KDM4C: variants seen among roughly 807,000 people sequenced by gnomAD.
KDM4C encodes the protein lysine-specific demethylase 4C.
In KDM4C, 81 loss-of-function variants were observed where a neutral mutation model predicts 129.3. The observed-to-expected ratio is 0.63, with a 90% confidence interval of 0.52 to 0.75. The LOEUF (loss-of-function observed/expected upper bound fraction) is 0.75. Ranked by LOEUF, KDM4C falls within the 30% of genes least tolerant of loss-of-function variation. The pLI, the probability that KDM4C is intolerant of heterozygous loss-of-function variation, is 0.00. For synonymous variants in KDM4C, 573 were observed against 456.1 expected (o/e 1.26, Z -3.26); for missense variants, 1,457 against 1,304.0 (o/e 1.12, Z -1.81).
At chr9:6,950,608 T>A (rs1286432414) in intron 8 of KDM4C, among the ~76,000 whole-genome samples, 1 of 152,228 alleles carries the variant, frequency 6.6e-6, no homozygotes. Flanking sequence ...AGTGAGATTA[T>A]CTCTGTATTC....
At chr9:6,914,553 C>T (rs1281277344) in intron 8 of KDM4C, among the ~76,000 whole-genome samples, 1 of 152,128 alleles carries the variant, frequency 6.6e-6, no homozygotes, top group Non-Finnish European at 1.5e-5. Flanking sequence ...AAAACATTAG[C>T]ATTGTTTGTA....
chr9:6,884,953 TC>T (rs961818962), intron 6 of KDM4C, among the ~76,000 whole-genome samples: 2 of 152,226 alleles, frequency 1.3e-5, no homozygotes, highest in Non-Finnish European at 2.9e-5. Flanking sequence ...TTTAGACACA[TC>T]CACTCTATTT....
intron 1 of KDM4C, among the ~76,000 whole-genome samples, chr9:6,746,728 G>A (rs1817888007): frequency 6.6e-6 from 1 of 150,812 alleles, no homozygotes; most frequent in Admixed American, 6.6e-5. Flanking sequence ...AAAAAAACAG[G>A]CCAGGCGCGG....
intron 1 of KDM4C, among the ~76,000 whole-genome samples, chr9:6,724,913 G>T (rs1219531868): frequency 6.6e-6 from 1 of 152,126 alleles, no homozygotes; most frequent in Non-Finnish European, 1.5e-5. Context: ...AGTTCTGAAA[G>T]AAGTCCAAAA....
In KDM4C at chr9:6,947,602, C is replaced by T. The variant is rs150690060; in HGVS notation, c.922-33323C>T. Among the ~76,000 whole-genome samples, 844 of 152,002 alleles carry T rather than the reference C, an allele frequency of 5.6e-3. 16 individuals carry two copies. Among genetic ancestry groups the T allele is most frequent in the African/African-American group, 0.02 (822 of 41,474 alleles). On this transcript the variant is annotated intron_variant, in intron 8 of 21. Transcript: ENST00000381309. Reference sequence around the variant, plus strand: ...TTGTAAACCCATCTAGTATTGTTTTCATTGTATGGTATGAGGCCGAGACCA... The same window carrying T: ...TTGTAAACCCATCTAGTATTGTTTTTATTGTATGGTATGAGGCCGAGACCA...
intron 12 of KDM4C, among the ~76,000 whole-genome samples, chr9:7,000,134 T>A (rs1257844152): frequency 6.6e-6 from 1 of 152,110 alleles, no homozygotes; most frequent in Non-Finnish European, 1.5e-5. Context: ...GTGCTTAAGG[T>A]TTGTAATAAT....
intron 8 of KDM4C, among the ~76,000 whole-genome samples, chr9:6,911,551 T>G (rs1211249695): frequency 6.6e-6 from 1 of 152,244 alleles, no homozygotes; most frequent in Non-Finnish European, 1.5e-5. Flanking sequence ...TTCATGCCTG[T>G]CCTTCATGAT....
intron 17 of KDM4C, among the ~76,000 whole-genome samples, chr9:7,057,482 G>C (rs1054290790): frequency 3.3e-5 from 5 of 152,246 alleles, no homozygotes; most frequent in Non-Finnish European, 5.9e-5. Context: ...TCCTCCACTT[G>C]GGCAACCTTG....
intron 4 of KDM4C, among the ~76,000 whole-genome samples, chr9:6,832,079 C>A (rs929279478): frequency 6.6e-6 from 1 of 152,046 alleles, no homozygotes; most frequent in Non-Finnish European, 1.5e-5. Flanking sequence ...GTGGTCATGC[C>A]TGTAATCCCA....
At chr9:6,934,491 AT>A (rs1465347408) in intron 8 of KDM4C, among the ~76,000 whole-genome samples, 1 of 141,782 alleles carries the variant, frequency 7.1e-6, no homozygotes, top group African/African-American at 2.5e-5. Flanking sequence ...AAAAAAAAAA[AT>A]TGGATAATTT....
chr9:7,024,210 C>A (rs1192027626), intron 15 of KDM4C, among the ~76,000 whole-genome samples: 2 of 149,312 alleles, frequency 1.3e-5, no homozygotes. Flanking sequence ...AGGATCTGTC[C>A]ATTGCTGAGT....
chr9:6,738,179 CTAAAA>C (rs1309470977), intron 1 of KDM4C, among the ~76,000 whole-genome samples: 1 of 107,234 alleles, frequency 9.3e-6, no homozygotes, highest in Non-Finnish European at 1.9e-5. Context: ...CTAAACTAAA[CTAAAA>C]AACAGATGCT....
At chr9:7,040,963 A>G (rs1828495448) in intron 15 of KDM4C, among the ~76,000 whole-genome samples, 1 of 150,804 alleles carries the variant, frequency 6.6e-6, no homozygotes, top group Admixed American at 6.6e-5. Flanking sequence ...ATCTCTTCCA[A>G]TATTATCACC....
intron 18 of KDM4C, among the ~76,000 whole-genome samples, chr9:7,120,480 C>G (rs185953301): frequency 6.6e-4 from 100 of 152,274 alleles, no homozygotes; most frequent in African/African-American, 2.4e-3. Context: ...ATTATTAGTG[C>G]TGTCCCTTAG....
chr9:6,762,125 T>A (rs1274388737), intron 1 of KDM4C, among the ~76,000 whole-genome samples: 3 of 151,988 alleles, frequency 2.0e-5, no homozygotes, highest in African/African-American at 7.2e-5. Flanking sequence ...ATACTTTAAG[T>A]TCTAGGGTAC....
chr9:6,935,749 A>G (rs963511044), intron 8 of KDM4C, among the ~76,000 whole-genome samples: 2 of 152,130 alleles, frequency 1.3e-5, no homozygotes, highest in Admixed American at 6.5e-5. Context: ...AGCCATGAGT[A>G]TGTTGCTTTA....
chr9:6,928,645 A>G (rs1221573848), intron 8 of KDM4C, among the ~76,000 whole-genome samples: 2 of 151,796 alleles, frequency 1.3e-5, no homozygotes, highest in African/African-American at 4.9e-5. Flanking sequence ...GTGGCGGATG[A>G]AAGCTGTGGT....
intron 1 of KDM4C, among the ~76,000 whole-genome samples, chr9:6,763,162 C>T (rs13290778): frequency 4.6e-5 from 7 of 152,246 alleles, no homozygotes; most frequent in African/African-American, 1.4e-4. Flanking sequence ...CCCCCTGCTC[C>T]TGCTTCAAGG....
intron 20 of KDM4C, among the ~76,000 whole-genome samples, chr9:7,167,817 A>G (rs1448160299): frequency 6.6e-6 from 1 of 152,218 alleles, no homozygotes; most frequent in Non-Finnish European, 1.5e-5. Context: ...AGTTAATATT[A>G]TCATCCACTC....
Sources: gnomAD v4.1 joint callset for allele counts (sites outside exome capture counted in the v4.1 genomes callset) on GRCh38, gnomAD v4.1.1 for gene constraint, MANE v1.5 for transcripts, NCBI Gene and HGNC (gene_info 2026-07-23, HGNC 2026-07-21) for gene names.